SIK3: variants seen among roughly 807,000 people sequenced by gnomAD.
SIK3 encodes the protein serine/threonine-protein kinase SIK3.
SIK3 carries 28 observed loss-of-function variants against 144.2 expected under a neutral mutation model. The observed-to-expected ratio is 0.19, with a 90% CI of 0.14 to 0.27. The LOEUF (loss-of-function observed/expected upper bound fraction) is 0.27. Ranked by LOEUF, SIK3 falls within the 10% of genes least tolerant of loss-of-function variation. The probability of loss-of-function intolerance (pLI) is 1.00; values close to 1 mark genes in which losing one functional copy is unlikely to be tolerated. For missense variants in SIK3, 1,319 were observed against 1,776.0 expected, an observed-to-expected ratio of 0.74 and a Z score of 4.62; for synonymous variants, 686 against 676.3, an observed-to-expected ratio of 1.01 and a Z score of -0.22.
intron 3 of SIK3, among the ~76,000 whole-genome samples, chr11:116,945,745 T>C (rs959336597): frequency 6.6e-6 from 1 of 152,134 alleles, no homozygotes; most frequent in African/African-American, 2.4e-5. Flanking sequence ...TAATTGAGCA[T>C]TGGTGGTAGG....
chr11:117,026,613 C>CA (rs1335072033), intron 1 of SIK3, among the ~76,000 whole-genome samples: 5 of 152,120 alleles, frequency 3.3e-5, no homozygotes, highest in African/African-American at 2.4e-5. Context: ...TGTCCCAAAG[C>CA]AAAACATGGT....
rs921196809 is a variant in SIK3 at position 116,875,173 on chromosome 11, C to T, written c.1412G>A (p.Gly471Asp). 1 of 1,613,978 alleles carries T rather than the reference C, an allele frequency of 6.2e-7. No individual in the cohort carries two copies. The highest frequency in any genetic ancestry group is 8.5e-7 in the Non-Finnish European group (1 of 1,179,968). Reference protein sequence around the residue: ...RYLSMRRHTVGVADPRTEVME... With the variant: ...RYLSMRRHTVDVADPRTEVME... Reference sequence around the variant, plus strand: ...GGATACTCACCGTGGGTCAGCCACACCCACTGTGTGCCTCCTCATTGACAA... The same window carrying T: ...GGATACTCACCGTGGGTCAGCCACATCCACTGTGTGCCTCCTCATTGACAA... The change falls in exon 11 of 25, where the codon GGT becomes GAT. Residue 471 changes from glycine to aspartate, a missense_variant. Around this residue, in one of 8 missense-constraint regions of SIK3, gnomAD observed 167 missense variants for 263.3 expected, o/e 0.63. Coordinates refer to ENST00000445177, the MANE Select transcript of SIK3 (RefSeq NM_001366686.3).
intron 4 of SIK3, among the ~76,000 whole-genome samples, chr11:116,898,385 T>G (rs200501391): frequency 0.14 from 21,551 of 151,628 alleles, 2,206 homozygotes; most frequent in East Asian, 0.52. Flanking sequence ...TGTTGGACAT[T>G]TGGGTTGGTT....
At chr11:116,903,701 C>T (rs1208106272) in intron 4 of SIK3, among the ~76,000 whole-genome samples, 6 of 152,176 alleles carry the variant, frequency 3.9e-5, no homozygotes, top group Non-Finnish European at 7.4e-5. Context: ...CCTGCCTCAG[C>T]CTCCTAAGTA....
intron 1 of SIK3, among the ~76,000 whole-genome samples, chr11:117,068,741 G>A (rs1163544449): frequency 1.3e-5 from 2 of 152,198 alleles, no homozygotes; most frequent in Non-Finnish European, 2.9e-5. Context: ...GTGACAGAGT[G>A]AGACCCTGTT....
intron 1 of SIK3, among the ~76,000 whole-genome samples, chr11:117,008,508 C>T (rs12271319): frequency 0.15 from 23,003 of 152,064 alleles, 2,472 homozygotes; most frequent in African/African-American, 0.3. Context: ...AATATCAACT[C>T]GAATTCTGCA....
chr11:116,986,743 G>C (rs549396653), intron 1 of SIK3, among the ~76,000 whole-genome samples: 53 of 152,166 alleles, frequency 3.5e-4, no homozygotes, highest in Non-Finnish European at 6.8e-4. Context: ...CATTACAGAA[G>C]ACTGACTGAT....
In SIK3 at chr11:116,897,208, G is replaced by C. The variant is rs1208111259; in HGVS notation, c.726C>G (p.Pro242=). 4 of 1,613,820 alleles carry C rather than the reference G, an allele frequency of 2.5e-6. No homozygotes were observed. The Admixed American group carries it at 6.7e-5, about 27-fold the overall frequency. The change falls in exon 5 of 25, where the codon CCC becomes CCG. Residue 242 remains proline, a synonymous_variant. Coordinates refer to ENST00000445177, the MANE Select transcript of SIK3 (RefSeq NM_001366686.3). ...AGTTACTTACCCAGATGTCCACTTT[G>C]GGCCCATCATATTCTTTTCCTTCAA... The part of the protein sequence containing the change: ...ELFEGKEYDG[P]KVDIWSLGVV...
At chr11:116,922,357 G>C (rs889188730) in intron 4 of SIK3, among the ~76,000 whole-genome samples, 1 of 152,136 alleles carries the variant, frequency 6.6e-6, no homozygotes, top group South Asian at 2.1e-4. Flanking sequence ...GAGGTGTGGT[G>C]GAACATGCCT....
At position 116,846,694 on chromosome 11, in the gene SIK3, G is replaced by A. The variant is rs537725859; in HGVS notation, c.3953-141C>T. ...CAGCCCTGAATTCTAGCTCACAGCA[G>A]GCCCTCAAGGTGTTGAGTGACGATG... On this transcript the variant is annotated intron_variant, in intron 23 of 24. Transcript: ENST00000445177. The surrounding 1 kb of genome is among the most constrained non-coding windows in gnomAD (Gnocchi z 4.1). 6.7e-6 allele frequency: 6 copies of A among 892,038 alleles called. No individual in the cohort carries two copies. The South Asian group carries it at 1.0e-4, about 15-fold the overall frequency. 55.3% of individuals were successfully genotyped at this position (892,038 alleles called of 1,614,324 possible).
rs201865103 is a variant in SIK3 at position 116,992,315 on chromosome 11, A to ACCC, written c.274-35254_274-35252dup. On this transcript the variant is annotated intron_variant, in intron 1 of 24. Transcript: ENST00000445177. ...ACTCCAGCCTGGGCAACAGAGCAAGACCCCCCCCCCCAAAAAAAAACACCT... is the reference window on the plus strand; with the variant it reads ...ACTCCAGCCTGGGCAACAGAGCAAGACCCCCCCCCCCCCCAAAAAAAAACACCT... 8.9e-3 allele frequency among the ~76,000 whole-genome samples: 1,050 copies of ACCC among 117,666 alleles called. 20 individuals are homozygous for ACCC. Among genetic ancestry groups the ACCC allele is most frequent in the Non-Finnish European group, 0.013 (731 of 55,526 alleles). The allele number at this position is 117,666 out of a possible 152,430, so 77.2% of individuals were successfully genotyped here.
intron 1 of SIK3, among the ~76,000 whole-genome samples, chr11:116,993,407 T>C (rs1167864806): frequency 7.5e-6 from 1 of 133,058 alleles, no homozygotes; most frequent in Admixed American, 7.9e-5. Context: ...ATTTCTTTAT[T>C]ATTGTTTAAC....
intron 6 of SIK3, among the ~76,000 whole-genome samples, chr11:116,885,331 G>T (rs546763750): frequency 6.6e-6 from 1 of 152,206 alleles, no homozygotes; most frequent in Non-Finnish European, 1.5e-5. Context: ...AAAAGGTTTT[G>T]ACCCATGTAT....
At chr11:116,860,619 A>G (rs768688335) in intron 19 of SIK3, among the ~76,000 whole-genome samples, 3 of 152,180 alleles carry the variant, frequency 2.0e-5, no homozygotes, top group Non-Finnish European at 4.4e-5. Flanking sequence ...AATAATAGTA[A>G]ACCTTTATTG....
At chr11:117,069,704 T>A (rs1244298354) in intron 1 of SIK3, among the ~76,000 whole-genome samples, 1 of 152,146 alleles carries the variant, frequency 6.6e-6, no homozygotes, top group African/African-American at 2.4e-5. Context: ...TCCTTCTTAA[T>A]AAAGAATATA....
At chr11:117,029,681 T>C (rs1181079985) in intron 1 of SIK3, among the ~76,000 whole-genome samples, 1 of 152,002 alleles carries the variant, frequency 6.6e-6, no homozygotes, top group East Asian at 1.9e-4. Context: ...TACACAAAAT[T>C]CAAGGAGAAA....
intron 1 of SIK3, among the ~76,000 whole-genome samples, chr11:116,987,345 G>T (rs117509405): frequency 6.7e-6 from 1 of 148,414 alleles, no homozygotes; most frequent in East Asian, 2.0e-4. Context: ...AAAACACAGA[G>T]AGCCTGTTTC....
chr11:116,886,519 T>G (rs1304261692), intron 6 of SIK3, among the ~76,000 whole-genome samples: 1 of 152,248 alleles, frequency 6.6e-6, no homozygotes, highest in Non-Finnish European at 1.5e-5. Context: ...AGCCTGGGTT[T>G]TGCGTTCCCA....
At chr11:116,963,597 G>A (rs10892052) in intron 1 of SIK3, among the ~76,000 whole-genome samples, 69,328 of 152,010 alleles carry the variant, frequency 0.46, 19,207 homozygotes, top group Non-Finnish European at 0.64. Context: ...TGACCTAGGG[G>A]ACCCACTGAA....
Sources: gnomAD v4.1 joint callset for allele counts (sites outside exome capture counted in the v4.1 genomes callset) on GRCh38, gnomAD v4.1.1 for gene constraint, gnomAD v4.1.1 regional missense constraint, Gnocchi (gnomAD v3.1) non-coding constraint, MANE v1.5 for transcripts, NCBI Gene and HGNC (gene_info 2026-07-23, HGNC 2026-07-21) for gene names.